OR5V1: variants seen among roughly 807,000 people sequenced by gnomAD.
The protein encoded by OR5V1 is olfactory receptor family 5 subfamily V member 1, also known as olfactory receptor 5V1.
For missense variants in OR5V1, 365 were observed against 371.5 expected (o/e 0.98, Z 0.14); for synonymous variants, 134 against 143.2 (o/e 0.94, Z 0.46).
rs2151268290 is a variant in OR5V1 at position 29,355,268 on chromosome 6, G to A, written c.928C>T (p.Pro310Ser). 6.2e-7 allele frequency: 1 copy of A among 1,605,172 alleles called. No homozygotes were observed. Among genetic ancestry groups the A allele is most frequent in the Non-Finnish European group, 8.5e-7 (1 of 1,177,368 alleles). Residue 310 changes from proline to serine, a missense_variant, in exon 2 of 2, where the codon CCA becomes TCA. Coordinates refer to ENST00000641768, the MANE Select transcript of OR5V1 (RefSeq NM_030876.6). ...AVKTIGSKWQPPISSLDSKLT... is the reference protein window; with the variant it reads ...AVKTIGSKWQSPISSLDSKLT... ...TTACTATCCAAAGAGGAAATTGGTG[G>A]CTGCCACTTGCTCCCTATAGTTTTG...
intron 1 of OR5V1, among the ~76,000 whole-genome samples, chr6:29,367,646 A>G (rs1482901308): frequency 6.6e-6 from 1 of 152,196 alleles, no homozygotes; most frequent in African/African-American, 2.4e-5. Flanking sequence ...ATAAGATCAA[A>G]TAGTTAACAA....
rs149147074 is a variant in OR5V1, at chr6:29,364,356, A to G, written c.-83+4276T>C. ...GATACGAAGAATCAATACTGTGTAA[A>G]TGGCCATACTGCCCAAAGTAATTTA... On this transcript the variant is annotated intron_variant, in intron 1 of 1. Coordinates refer to ENST00000641768, the MANE Select transcript of OR5V1 (RefSeq NM_030876.6). 2.3e-3 allele frequency among the ~76,000 whole-genome samples: 344 copies of G among 151,396 alleles called. 2 individuals are homozygous for G. The highest frequency in any genetic ancestry group is 6.0e-3 in the African/African-American group (249 of 41,324).
intron 1 of OR5V1, among the ~76,000 whole-genome samples, chr6:29,365,083 A>G (rs985850259): frequency 4.6e-5 from 7 of 152,092 alleles, no homozygotes; most frequent in Non-Finnish European, 1.0e-4. Flanking sequence ...TGCTGGGAAA[A>G]TTGGCTAGCC....
chr6:29,356,437 T>C (rs1182306298), intron 1 of OR5V1, among the ~76,000 whole-genome samples, 160 bp from the exon 2 acceptor site: 1 of 152,164 alleles, frequency 6.6e-6, no homozygotes, highest in Admixed American at 6.5e-5. Flanking sequence ...TTTTTAAATA[T>C]ACAACACTGG....
intron 1 of OR5V1, among the ~76,000 whole-genome samples, chr6:29,367,337 A>G (rs189336845): frequency 5.0e-4 from 76 of 152,292 alleles, no homozygotes; most frequent in Non-Finnish European, 6.2e-4. Context: ...TGTGTGACAT[A>G]TCACTTGTTT....
chr6:29,362,126 G>T (rs1330055159), intron 1 of OR5V1, among the ~76,000 whole-genome samples: 1 of 151,870 alleles, frequency 6.6e-6, no homozygotes, highest in Non-Finnish European at 1.5e-5. Flanking sequence ...AAAAAAAGCA[G>T]GGGTTGCAAT....
At chr6:29,357,908 A>C (rs992894884) in intron 1 of OR5V1, among the ~76,000 whole-genome samples, 1 of 152,214 alleles carries the variant, frequency 6.6e-6, no homozygotes, top group African/African-American at 2.4e-5. Context: ...AAACAAAATA[A>C]AAACTTAAAA....
At chr6:29,356,521 A>T (rs1041640694) in intron 1 of OR5V1, among the ~76,000 whole-genome samples, 1 of 152,172 alleles carries the variant, frequency 6.6e-6, no homozygotes, top group South Asian at 2.1e-4. Flanking sequence ...GGTCATGCTC[A>T]CCGGCATTTT....
At chr6:29,361,894 A>G (rs1042329016) in intron 1 of OR5V1, among the ~76,000 whole-genome samples, 6 of 152,194 alleles carry the variant, frequency 3.9e-5, no homozygotes, top group Non-Finnish European at 7.4e-5. Flanking sequence ...AAAGTAACCA[A>G]CTAGCATCAT....
intron 1 of OR5V1, among the ~76,000 whole-genome samples, chr6:29,364,000 C>T (rs2151278648): frequency 6.6e-6 from 1 of 152,260 alleles, no homozygotes; most frequent in South Asian, 2.1e-4. Context: ...GAGAGGAAGT[C>T]TAATTGCCTC....
chr6:29,357,248 A>G (rs1778360106), intron 1 of OR5V1, among the ~76,000 whole-genome samples: 1 of 152,136 alleles, frequency 6.6e-6, no homozygotes, highest in Non-Finnish European at 1.5e-5. Context: ...CCTACACAGC[A>G]TCTCATTTAG....
chr6:29,362,313 C>T (rs1778603006), intron 1 of OR5V1, among the ~76,000 whole-genome samples: 1 of 152,154 alleles, frequency 6.6e-6, no homozygotes, highest in African/African-American at 2.4e-5. Flanking sequence ...CTACAAAAGA[C>T]TTAGACTCCC....
Position 29,364,612 on chromosome 6 carries a change from A to G in OR5V1, c.-83+4020T>C, listed in dbSNP as rs1372451637. 6.2e-5 allele frequency among the ~76,000 whole-genome samples: 4 copies of G among 64,812 alleles called. 1 individual carries two copies. The highest frequency in any genetic ancestry group is 1.8e-4 in the African/African-American group (4 of 22,642). 42.5% of individuals were successfully genotyped at this position (64,812 alleles called of 152,430 possible). On this transcript the variant is annotated intron_variant, in intron 1 of 1. Coordinates refer to ENST00000641768, the MANE Select transcript of OR5V1 (RefSeq NM_030876.6). ...AGGAGATCGAGACCATCCCGGCTAAAACGGTGAAACCCCGTCTCTACTAAA... is the reference window on the plus strand; with the variant it reads ...AGGAGATCGAGACCATCCCGGCTAAGACGGTGAAACCCCGTCTCTACTAAA...
At chr6:29,368,007 G>A (rs1166077355) in intron 1 of OR5V1, among the ~76,000 whole-genome samples, 1 of 152,098 alleles carries the variant, frequency 6.6e-6, no homozygotes, top group Non-Finnish European at 1.5e-5. Flanking sequence ...TCACGAGAAT[G>A]TTTGCCCTCC....
At chr6:29,364,462 A>G (rs1044636683) in intron 1 of OR5V1, among the ~76,000 whole-genome samples, 3 of 151,220 alleles carry the variant, frequency 2.0e-5, no homozygotes, top group East Asian at 2.0e-4. Flanking sequence ...TTCATATGGA[A>G]CCAAAAAAAG....
Position 29,355,923 on chromosome 6 carries a change from G to A in OR5V1, c.273C>T (p.Ser91=). The change falls in exon 2 of 2, where the codon AGC becomes AGT. Residue 91 remains serine, a synonymous_variant. Transcript: ENST00000641768. ...GAACCACACACCCCACATAAGAAAT[G>A]CTTTTTTTCTTTGAGAGGAGGTGCA... The part of the protein sequence containing the change: ...MMVHLLSKKK[S]ISYVGCVVQL... 1 of 1,613,984 alleles carries A rather than the reference G, an allele frequency of 6.2e-7. No homozygotes were observed. Among genetic ancestry groups the A allele is most frequent in the South Asian group, 1.1e-5 (1 of 91,076 alleles).
At chr6:29,366,325 T>TAAAAAA (rs34270802) in intron 1 of OR5V1, among the ~76,000 whole-genome samples, 1 of 125,694 alleles carries the variant, frequency 8.0e-6, no homozygotes, top group Non-Finnish European at 1.6e-5. Context: ...TAAAGTATAT[T>TAAAAAA]AAAAAAAAAA....
rs41271546 is a variant in OR5V1 at position 29,355,468 on chromosome 6, G to C, written c.728C>G (p.Ser243Cys). Residue 243 changes from serine (S) to cysteine (C), a missense_variant, in exon 2 of 2, where the codon TCC (serine) becomes TGC (cysteine). Physicochemically the swap from Ser to Cys is moderately radical, Grantham distance 112. Transcript: ENST00000641768. ...GRRKAFSTCA[S>C]HLAIVFLFYG... The stretch of plus-strand genomic sequence containing the variant: ...AAAGAGAAAGACAATGGCCAGGTGG[G>C]AGGCACATGTAGAGAAGGCTTTTCG... The C allele has an allele frequency of 7.0e-3, 11,378 of 1,613,988 alleles. 59 individuals carry two copies. The highest frequency in any genetic ancestry group is 7.7e-3 in the Non-Finnish European group (9,077 of 1,179,886).
At chr6:29,362,015 A>G (rs1369265532) in intron 1 of OR5V1, among the ~76,000 whole-genome samples, 1 of 152,186 alleles carries the variant, frequency 6.6e-6, no homozygotes, top group Non-Finnish European at 1.5e-5. Flanking sequence ...GTCAAGACCC[A>G]TCAGTGTGCA....
Sources: allele counts gnomAD v4.1 joint callset (sites outside exome capture counted in the v4.1 genomes callset), GRCh38; gene constraint gnomAD v4.1.1; transcripts MANE v1.5; gene names NCBI Gene and HGNC (gene_info 2026-07-23, HGNC 2026-07-21).